The following ASXL2 variants were observed in gnomAD, a reference collection of about 807,000 sequenced individuals.
ASXL2 encodes ASXL transcriptional regulator 2.
Under a neutral mutation model 122.0 loss-of-function variants are expected in ASXL2, and 23 were observed. That is an observed-to-expected ratio of 0.19 (90% CI 0.14 to 0.27). The LOEUF is 0.27. ASXL2 is among the 10% of genes least tolerant of loss of function. ASXL2 has a pLI of 1.00. For synonymous variants in ASXL2, 650 were observed against 637.0 expected, an observed-to-expected ratio of 1.02 and a Z score of -0.31; for missense variants, 1,518 against 1,713.8, an observed-to-expected ratio of 0.89 and a Z score of 2.02.
intron 4 of ASXL2, among the ~76,000 whole-genome samples, chr2:25,804,724 A>C (rs753301973): frequency 3.9e-5 from 6 of 152,184 alleles, no homozygotes; most frequent in Non-Finnish European, 8.8e-5. Flanking sequence ...TTGATAAGTA[A>C]AGGTCTCTTC....
chr2:25,811,055 T>C (rs377418524), intron 3 of ASXL2, among the ~76,000 whole-genome samples: 18 of 116,424 alleles, frequency 1.5e-4, no homozygotes, highest in South Asian at 3.1e-4. Context: ...AATACAAAAA[T>C]ACACACACAC....
Position 25,741,275 on chromosome 2 carries a change from G to A in ASXL2, c.*754C>T, listed in dbSNP as rs916566733. On this transcript the variant is annotated 3_prime_UTR_variant, in exon 13 of 13. Transcript: ENST00000435504. ...GGTCCCAGAGAGGCACTCCCTTCAC[G>A]GACTACATTCACTGTCTCAGGGCAG... 2 of 224,714 alleles carry A rather than the reference G, an allele frequency of 8.9e-6. No homozygotes were observed. The highest frequency in any genetic ancestry group is 4.5e-5 in the African/African-American group (2 of 44,832). 13.9% of individuals were successfully genotyped at this position (224,714 alleles called of 1,614,324 possible).
intron 3 of ASXL2, chr2:25,810,214 A>T: frequency 1.7e-6 from 1 of 598,570 alleles, no homozygotes; most frequent in Non-Finnish European, 3.2e-6. Flanking sequence ...CGGCAATGGG[A>T]CACTGCCAGC....
rs1284750177 is a variant in ASXL2 at position 25,743,050 on chromosome 2, T to G, written c.3287A>C (p.Gln1096Pro). 27 of 1,613,880 alleles carry G rather than the reference T, an allele frequency of 1.7e-5. No individual in the cohort carries two copies. Among genetic ancestry groups the G allele is most frequent in the Non-Finnish European group, 2.2e-5 (26 of 1,179,902 alleles). The change falls in exon 13 of 13, where the codon CAG becomes CCG. Residue 1096 changes from glutamine (Q) to proline (P), a missense_variant. Physicochemically the swap from Gln to Pro is moderately conservative, Grantham distance 76. Coordinates refer to ENST00000435504, the MANE Select transcript of ASXL2 (RefSeq NM_018263.6). The stretch of plus-strand genomic sequence containing the variant: ...CTGGCTTGTGGAGATGTCTTCCAGC[T>G]GGAAACCTGAGTGAGCGAAGTTGAA... ...SQFNFAHSGFQLEDISTSQRF... is the reference protein window; with the variant it reads ...SQFNFAHSGFPLEDISTSQRF...
At chr2:25,776,061 G>C (rs1171239911) in intron 5 of ASXL2, among the ~76,000 whole-genome samples, 1 of 152,138 alleles carries the variant, frequency 6.6e-6, no homozygotes, top group East Asian at 1.9e-4. Context: ...TTTTGAAAAT[G>C]TTGGGGAAAA....
Position 25,768,760 on chromosome 2 carries a change from A to T in ASXL2, c.613T>A (p.Ser205Thr), listed in dbSNP as rs1002504348. The T allele has an allele frequency of 4.3e-6, 7 of 1,613,784 alleles. No individual in the cohort carries two copies. Among genetic ancestry groups the T allele is most frequent in the Non-Finnish European group, 5.9e-6 (7 of 1,179,736 alleles). Reference sequence around the variant, plus strand: ...TGCCTACCAGGTTTGGCAGGTACAGAGTCACTGGCTGCTTTGACAGTCTTT... The same window carrying T: ...TGCCTACCAGGTTTGGCAGGTACAGTGTCACTGGCTGCTTTGACAGTCTTT... ...SLKTVKAASDSVPAKPATWEG... is the reference protein window; with the variant it reads ...SLKTVKAASDTVPAKPATWEG... Residue 205 changes from serine to threonine, a missense_variant, in exon 7 of 13, where the codon TCT (serine) becomes ACT (threonine). Ser to Thr is a moderately conservative substitution (Grantham distance 58). Transcript: ENST00000435504.
At chr2:25,805,788 G>A (rs772828216) in intron 4 of ASXL2, among the ~76,000 whole-genome samples, 15 of 152,092 alleles carry the variant, frequency 9.9e-5, no homozygotes, top group Admixed American at 2.6e-4. Context: ...CAATTCTCTT[G>A]CCTTAGCCTC....
intron 2 of ASXL2, 144 bp downstream of exon 2, chr2:25,845,337 A>C: frequency 7.4e-7 from 1 of 1,352,678 alleles, no homozygotes; most frequent in African/African-American, 1.5e-5. Context: ...AATGACTTAA[A>C]AAATGCCAAA....
chr2:25,789,465 T>G (rs2088797607), intron 5 of ASXL2, among the ~76,000 whole-genome samples: 2 of 152,244 alleles, frequency 1.3e-5, no homozygotes, highest in Middle Eastern at 3.4e-3. Flanking sequence ...GCAATGGGTG[T>G]GACCAGAAGA....
intron 8 of ASXL2, among the ~76,000 whole-genome samples, chr2:25,763,137 C>T (rs1199563038): frequency 1.3e-5 from 2 of 152,122 alleles, no homozygotes; most frequent in Non-Finnish European, 2.9e-5. Flanking sequence ...TTCAACACAT[C>T]TCTCTCCATT....
chr2:25,805,745 G>A (rs2089072084), intron 4 of ASXL2, among the ~76,000 whole-genome samples: 1 of 151,932 alleles, frequency 6.6e-6, no homozygotes, highest in Non-Finnish European at 1.5e-5. Context: ...GCGTGATTTT[G>A]GCTCACTGCA....
rs529113480 is a variant in ASXL2 at position 25,788,279 on chromosome 2, C to T, written c.403+11106G>A. ...TAAAGTTATCATTAAAATGTGCACACGCACATGCATATACAGGAAGACAGT... is the reference window on the plus strand; with the variant it reads ...TAAAGTTATCATTAAAATGTGCACATGCACATGCATATACAGGAAGACAGT... On this transcript the variant is annotated intron_variant, in intron 5 of 12. Transcript: ENST00000435504. Among the ~76,000 whole-genome samples, 19 of 152,316 alleles carry T rather than the reference C, an allele frequency of 1.2e-4. No homozygotes were observed. The South Asian group carries it at 3.1e-3, about 25-fold the overall frequency.
chr2:25,814,439 C>T (rs189741431), intron 3 of ASXL2, among the ~76,000 whole-genome samples: 1 of 152,278 alleles, frequency 6.6e-6, no homozygotes, highest in Admixed American at 6.5e-5. Flanking sequence ...CTTAAAAGTT[C>T]AAGTAAATTC....
chr2:25,804,692 C>T (rs1192298293), intron 4 of ASXL2, among the ~76,000 whole-genome samples: 3 of 152,120 alleles, frequency 2.0e-5, no homozygotes, highest in Admixed American at 6.5e-5. Context: ...AGTTGGTTTT[C>T]CTGTTCGTAA....
At chr2:25,856,698 C>G in intron 1 of ASXL2, 1 of 1,290,866 alleles carries the variant, frequency 7.7e-7, no homozygotes, top group Non-Finnish European at 1.1e-6. Flanking sequence ...AGCCAGTTTG[C>G]ATACCTGGAT....
intron 3 of ASXL2, among the ~76,000 whole-genome samples, chr2:25,828,834 A>AAAC (rs1210751691): frequency 6.2e-4 from 93 of 151,074 alleles, no homozygotes; most frequent in Non-Finnish European, 1.2e-3. Flanking sequence ...CAAAAAAAAA[A>AAAC]AAAAAAAAAA....
At chr2:25,845,447 T>C in intron 2 of ASXL2, 34 bp downstream of exon 2, 1 of 1,374,284 alleles carries the variant, frequency 7.3e-7, no homozygotes, top group Non-Finnish European at 9.7e-7. Flanking sequence ...GATCAAGTAT[T>C]ATAATTATTA....
chr2:25,867,653 T>C (rs2089920985), intron 1 of ASXL2, among the ~76,000 whole-genome samples: 1 of 152,174 alleles, frequency 6.6e-6, no homozygotes, highest in Non-Finnish European at 1.5e-5. Flanking sequence ...AAATTCTCTA[T>C]TACTCCCAGA....
intron 1 of ASXL2, among the ~76,000 whole-genome samples, chr2:25,874,072 A>C (rs1287613017): frequency 6.6e-6 from 1 of 152,228 alleles, no homozygotes; most frequent in Non-Finnish European, 1.5e-5. Context: ...GGCAGGGTGC[A>C]GTGGCCCACA....
Sources: allele counts gnomAD v4.1 joint callset (sites outside exome capture counted in the v4.1 genomes callset), GRCh38; gene constraint gnomAD v4.1.1; transcripts MANE v1.5; gene names NCBI Gene and HGNC (gene_info 2026-07-23, HGNC 2026-07-21).